The following APPL1 variants were observed in gnomAD, a reference collection of about 807,000 sequenced individuals.
The protein encoded by APPL1 is DCC-interacting protein 13-alpha.
A neutral mutation model predicts 106.8 loss-of-function variants in APPL1; 42 were observed. The ratio of observed to expected loss-of-function variants is 0.39; its 90% CI spans 0.31 to 0.51. The LOEUF (loss-of-function observed/expected upper bound fraction) is 0.51, where lower values mean the gene tolerates loss of function less well. Among genes scored for constraint, APPL1 ranks in the 20% least tolerant of loss-of-function variants. The pLI is 0.75. For missense variants in APPL1, 769 were observed against 858.2 expected (o/e 0.90, Z 1.30); for synonymous variants, 263 against 281.8 (o/e 0.93, Z 0.67).
At chr3:57,234,039 A>G (rs974200527) in intron 1 of APPL1, among the ~76,000 whole-genome samples, 1 of 152,156 alleles carries the variant, frequency 6.6e-6, no homozygotes, top group Non-Finnish European at 1.5e-5. Context: ...AGCCGAGATC[A>G]TGTTACTGCT....
chr3:57,243,970 C>A (rs2060759724), intron 7 of APPL1, among the ~76,000 whole-genome samples: 1 of 152,070 alleles, frequency 6.6e-6, no homozygotes, highest in African/African-American at 2.4e-5. Flanking sequence ...ACTGGATACT[C>A]CACATTTATT....
At chr3:57,256,250 A>G (rs1287515493) in intron 13 of APPL1, among the ~76,000 whole-genome samples, 1 of 152,208 alleles carries the variant, frequency 6.6e-6, no homozygotes, top group Non-Finnish European at 1.5e-5. Context: ...CTGTAAATTT[A>G]CCATGTTAAC....
Position 57,260,017 on chromosome 3 carries a change from A to G in APPL1, c.1656A>G (p.Leu552=). Residue 552 remains leucine, a splice_region_variant and synonymous_variant, in exon 17 of 22, where the codon TTA becomes TTG. Coordinates refer to ENST00000288266, the MANE Select transcript of APPL1 (RefSeq NM_012096.3). ...ESHLLVTCDC[L]KLIDPQTQVT... is the part of the protein sequence containing the mutation. Reference sequence around the variant, plus strand: ...ATTTATTAGTCACTTGTGACTGTTTAAAGTAAGTAAAACCCTCCCTTAAAA... The same window carrying G: ...ATTTATTAGTCACTTGTGACTGTTTGAAGTAAGTAAAACCCTCCCTTAAAA... 2 of 1,612,782 alleles carry G rather than the reference A, an allele frequency of 1.2e-6. No homozygotes were observed. Among genetic ancestry groups the G allele is most frequent in the Non-Finnish European group, 1.7e-6 (2 of 1,179,766 alleles).
At chr3:57,243,544 G>A (rs1159766809) in intron 7 of APPL1, among the ~76,000 whole-genome samples, 1 of 152,136 alleles carries the variant, frequency 6.6e-6, no homozygotes, top group East Asian at 1.9e-4. Context: ...CTGCAGCCTT[G>A]GCTGCAGCTG....
At chr3:57,250,009 G>A (rs2060794781) in intron 11 of APPL1, among the ~76,000 whole-genome samples, 1 of 152,110 alleles carries the variant, frequency 6.6e-6, no homozygotes, top group South Asian at 2.1e-4. Context: ...TTGTTGTGAG[G>A]AACAGAAATT....
At chr3:57,265,488 T>C (rs142757639) in intron 19 of APPL1, among the ~76,000 whole-genome samples, 3,656 of 152,302 alleles carry the variant, frequency 0.024, 70 homozygotes, top group South Asian at 0.035. Context: ...TTTGGTTAAC[T>C]CCTGGGTATT....
In APPL1 at chr3:57,246,148, T is replaced by A; in HGVS notation, c.547T>A (p.Cys183Ser). Residue 183 changes from cysteine (C) to serine (S), a missense_variant, in exon 8 of 22, where the codon TGT becomes AGT. By Grantham distance (112) the Cys-to-Ser change is moderately radical. Coordinates refer to ENST00000288266, the MANE Select transcript of APPL1 (RefSeq NM_012096.3). ...KQHQTMMHYF[C>S]ALNTLQYKKK... ...ACACCAGACCATGATGCATTATTTT[T>A]GTGCATTAAATACTCTTCAGTACAA... 6.2e-7 allele frequency: 1 copy of A among 1,612,364 alleles called. No homozygotes were observed. The highest frequency in any genetic ancestry group is 1.1e-5 in the South Asian group (1 of 90,864).
chr3:57,260,267 T>A (rs1533272), intron 18 of APPL1, 114 bp downstream of exon 18: 1 of 1,176,538 alleles, frequency 8.5e-7, no homozygotes. Flanking sequence ...TCAGCTATGA[T>A]TGGTCTTTGG....
At chr3:57,260,076 T>C in intron 17 of APPL1, 41 bp from the exon 18 acceptor site, 3 of 1,605,934 alleles carry the variant, frequency 1.9e-6, no homozygotes, top group Non-Finnish European at 2.5e-6. Context: ...GATTTCAGCC[T>C]AATTAAAATT....
chr3:57,231,212 G>A (rs561713034), intron 1 of APPL1, among the ~76,000 whole-genome samples: 5 of 150,956 alleles, frequency 3.3e-5, no homozygotes, highest in South Asian at 2.1e-4. Context: ...GGTGGTGGAC[G>A]TCTGTAATCC....
Position 57,227,802 on chromosome 3 carries a change from G to A in APPL1, c.-82G>A. 1.4e-5 allele frequency: 18 copies of A among 1,250,408 alleles called. No homozygotes were observed. The South Asian group carries it at 2.1e-4, about 14-fold the overall frequency. 77.5% of individuals were successfully genotyped at this position (1,250,408 alleles called of 1,614,324 possible). ...CAGCCCTTGCCGGAGAGGGCGGGCC[G>A]GGGTCAGCTGCGGCGGGCGGGCCGG... On this transcript the variant is annotated 5_prime_UTR_variant, in exon 1 of 22. Coordinates refer to ENST00000288266, the MANE Select transcript of APPL1 (RefSeq NM_012096.3).
chr3:57,253,653 T>C, intron 12 of APPL1, 29 bp from the exon 13 acceptor site: 1 of 1,396,128 alleles, frequency 7.2e-7, no homozygotes, highest in Non-Finnish European at 9.4e-7. Context: ...AGAAAAAAAA[T>C]TATATTTTTC....
rs1579398638 is a variant in APPL1, at chr3:57,259,024, T to G, written c.1431-4T>G. ...GTGTTCATATTTTCTTCTAAACTTTTTAGGCGTACAAATCCATTTGGAGAA... is the reference window on the plus strand; with the variant it reads ...GTGTTCATATTTTCTTCTAAACTTTGTAGGCGTACAAATCCATTTGGAGAA... On this transcript the variant is annotated splice_region_variant and splice_polypyrimidine_tract_variant and intron_variant, in intron 15 of 21. Coordinates refer to ENST00000288266, the MANE Select transcript of APPL1 (RefSeq NM_012096.3). 8 of 1,611,820 alleles carry G rather than the reference T, an allele frequency of 5.0e-6. No individual in the cohort carries two copies. Among genetic ancestry groups the G allele is most frequent in the Non-Finnish European group, 6.8e-6 (8 of 1,178,774 alleles).
intron 2 of APPL1, among the ~76,000 whole-genome samples, chr3:57,236,208 C>G (rs185491180): frequency 2.6e-5 from 4 of 151,716 alleles, no homozygotes; most frequent in African/African-American, 9.7e-5. Context: ...GCACGCCTGG[C>G]TAATTTTGTA....
At chr3:57,233,392 A>G (rs1360214807) in intron 1 of APPL1, among the ~76,000 whole-genome samples, 2 of 152,124 alleles carry the variant, frequency 1.3e-5, no homozygotes, top group Non-Finnish European at 2.9e-5. Context: ...ATCTGTTTCA[A>G]CTTGCTTTGC....
At chr3:57,254,143 G>C (rs1308355393) in intron 13 of APPL1, among the ~76,000 whole-genome samples, 1 of 152,170 alleles carries the variant, frequency 6.6e-6, no homozygotes, top group Non-Finnish European at 1.5e-5. Flanking sequence ...GATTACAGGC[G>C]TGAGCCACTG....
rs1431644446 is a variant in APPL1, at chr3:57,229,698, G to A, written c.54+1761G>A. On this transcript the variant is annotated intron_variant, in intron 1 of 21. Coordinates refer to ENST00000288266, the MANE Select transcript of APPL1 (RefSeq NM_012096.3). ...AATACAGGCGTGTGCCACTGTGCCA[G>A]CTTTTTTTTTTTTTTTTTTTTTTTT... 1.1e-4 allele frequency among the ~76,000 whole-genome samples: 13 copies of A among 121,796 alleles called. No individual in the cohort carries two copies. In the East Asian group the frequency reaches 3.3e-3, roughly 31 times the overall value. 79.9% of individuals were successfully genotyped at this position (121,796 alleles called of 152,430 possible).
At chr3:57,239,292 C>T (rs1000610453) in intron 4 of APPL1, among the ~76,000 whole-genome samples, 1 of 152,158 alleles carries the variant, frequency 6.6e-6, no homozygotes, top group Non-Finnish European at 1.5e-5. Context: ...CAGTCACTTC[C>T]ACCTCCCTGC....
chr3:57,269,185 T>G, intron 21 of APPL1: 1 of 164,812 alleles, frequency 6.1e-6, no homozygotes, highest in Non-Finnish European at 1.3e-5. Context: ...TGGACAGGGA[T>G]GGAGAAAAGG....
Sources: allele counts gnomAD v4.1 joint callset (sites outside exome capture counted in the v4.1 genomes callset), GRCh38; gene constraint gnomAD v4.1.1; transcripts MANE v1.5; gene names NCBI Gene and HGNC (gene_info 2026-07-23, HGNC 2026-07-21).